Variants in PMS1 observed in about 807,000 individuals in gnomAD.
PMS1 encodes the protein PMS1 protein homolog 1.
PMS1 carries 79 observed loss-of-function variants against 93.1 expected under a neutral mutation model. The ratio of observed to expected loss-of-function variants is 0.85; its 90% CI spans 0.71 to 1.02. The LOEUF (loss-of-function observed/expected upper bound fraction) is 1.02, where lower values mean the gene tolerates loss of function less well. Ranked by LOEUF, PMS1 falls within the 50% of genes least tolerant of loss-of-function variation. The probability of loss-of-function intolerance (pLI) is 0.00; values close to 1 mark genes in which losing one functional copy is unlikely to be tolerated. For synonymous variants in PMS1, 335 were observed against 363.4 expected, an observed-to-expected ratio of 0.92 and a Z score of 0.89; for missense variants, 1,064 against 1,085.3, an observed-to-expected ratio of 0.98 and a Z score of 0.28.
chr2:189,803,826 C>A (rs369570077), intron 3 of PMS1, among the ~76,000 whole-genome samples: 1 of 152,062 alleles, frequency 6.6e-6, no homozygotes, highest in East Asian at 1.9e-4. Flanking sequence ...TATCTAAATA[C>A]GTTTTCGTAG....
intron 5 of PMS1, among the ~76,000 whole-genome samples, chr2:189,828,360 AG>A (rs2052632847): frequency 6.6e-6 from 1 of 152,270 alleles, no homozygotes; most frequent in East Asian, 1.9e-4. Context: ...TTGAAATGAT[AG>A]GGTAATTGCC....
rs767216229 is a variant in PMS1 at position 189,853,956 on chromosome 2, C to A, written c.840C>A (p.Tyr280Ter). The change falls in exon 8 of 13, where the codon TAC becomes TAA. Residue 280 changes from tyrosine to a stop codon, truncating the protein, a stop_gained. Transcript: ENST00000441310. LOFTEE classifies it high-confidence loss of function. ...KDILKLIRHH[Y>*]NLKCLKESTR... Reference sequence around the variant, plus strand: ...ATTTCTAGTTAATCCGACATCATTACAATCTGAAATGCCTAAAGGAATCTA... The same window carrying A: ...ATTTCTAGTTAATCCGACATCATTAAAATCTGAAATGCCTAAAGGAATCTA... 6.3e-7 allele frequency: 1 copy of A among 1,587,170 alleles called. No homozygotes were observed. The highest frequency in any genetic ancestry group is 8.6e-7 in the Non-Finnish European group (1 of 1,160,492).
intron 9 of PMS1, among the ~76,000 whole-genome samples, chr2:189,861,031 G>A (rs1443276978): frequency 6.6e-6 from 1 of 151,238 alleles, no homozygotes. Flanking sequence ...CTTTGCCTTT[G>A]AATTGCAATA....
Position 189,795,751 on chromosome 2 carries a change from T to C in PMS1, c.133-18T>C, listed in dbSNP as rs751190685. 6.3e-7 allele frequency: 1 copy of C among 1,596,498 alleles called. No individual in the cohort carries two copies. The highest frequency in any genetic ancestry group is 8.6e-7 in the Non-Finnish European group (1 of 1,163,996). The stretch of plus-strand genomic sequence containing the variant: ...TTAATATTTTTACATATTAAAAGTG[T>C]TTTTTGACATTTTATAGGAGAACTA... On this transcript the variant is annotated intron_variant, in intron 2 of 12. Coordinates refer to ENST00000441310, the MANE Select transcript of PMS1 (RefSeq NM_000534.5).
chr2:189,863,980 G>A lies in PMS1; in HGVS notation c.2094G>A (p.Gln698=), dbSNP rs936726059. 1.2e-6 allele frequency: 2 copies of A among 1,607,598 alleles called. No homozygotes were observed. The highest frequency in any genetic ancestry group is 1.7e-6 in the Non-Finnish European group (2 of 1,175,062). Residue 698 remains glutamine (Q), a synonymous_variant, in exon 10 of 13, where the codon CAG becomes CAA. Transcript: ENST00000441310. The part of the protein sequence containing the change: ...KRRSQNIKMV[Q]IPFSMKNLKI... ...GGAGTCAAAATATTAAAATGGTACA[G>A]ATCCCCTTTTCTATGAAAAACTTAA...
intron 1 of PMS1, among the ~76,000 whole-genome samples, chr2:189,790,934 G>T (rs1277116080): frequency 6.6e-6 from 1 of 152,148 alleles, no homozygotes; most frequent in Non-Finnish European, 1.5e-5. Flanking sequence ...TATACCCGGA[G>T]TTTGAGCTAG....
At chr2:189,823,988 T>G (rs1405862529) in intron 5 of PMS1, among the ~76,000 whole-genome samples, 1 of 152,186 alleles carries the variant, frequency 6.6e-6, no homozygotes, top group Non-Finnish European at 1.5e-5. Context: ...TTGACAAGAT[T>G]AAAAGTAAAA....
chr2:189,804,915 A>G (rs1032247527), intron 3 of PMS1, among the ~76,000 whole-genome samples: 28 of 151,874 alleles, frequency 1.8e-4, no homozygotes, highest in African/African-American at 6.3e-4. Context: ...TTTTCTGACA[A>G]TGGCATATTT....
At chr2:189,785,820 C>T (rs1300466838) in intron 1 of PMS1, among the ~76,000 whole-genome samples, 1 of 152,092 alleles carries the variant, frequency 6.6e-6, no homozygotes, top group East Asian at 1.9e-4. Flanking sequence ...GAGTGAGTGT[C>T]ACCATGTTAA....
chr2:189,790,142 G>A (rs1346989809), intron 1 of PMS1, among the ~76,000 whole-genome samples: 1 of 152,164 alleles, frequency 6.6e-6, no homozygotes, highest in Non-Finnish European at 1.5e-5. Flanking sequence ...ATAGAGGATA[G>A]TTATCTGACA....
At chr2:189,812,139 A>G (rs907538784) in intron 4 of PMS1, among the ~76,000 whole-genome samples, 2 of 152,156 alleles carry the variant, frequency 1.3e-5, no homozygotes, top group African/African-American at 4.8e-5. Context: ...TGTTTCTACT[A>G]AAAATACGAA....
At chr2:189,875,469 G>A (rs1017279822) in intron 12 of PMS1, among the ~76,000 whole-genome samples, 1 of 151,968 alleles carries the variant, frequency 6.6e-6, no homozygotes, top group African/African-American at 2.4e-5. Context: ...CCATGTATAA[G>A]TGGACCCACA....
chr2:189,799,903 A>G (rs2049730513), intron 3 of PMS1, among the ~76,000 whole-genome samples: 1 of 152,182 alleles, frequency 6.6e-6, no homozygotes, highest in African/African-American at 2.4e-5. Flanking sequence ...AGAACCCCCC[A>G]ATAAACTGAC....
At position 189,795,757 on chromosome 2, in the gene PMS1, G is replaced by C. The variant is rs2106232750; in HGVS notation, c.133-12G>C. 6.2e-7 allele frequency: 1 copy of C among 1,606,484 alleles called. No homozygotes were observed. Among genetic ancestry groups the C allele is most frequent in the Non-Finnish European group, 8.5e-7 (1 of 1,173,436 alleles). On this transcript the variant is annotated splice_polypyrimidine_tract_variant and intron_variant, in intron 2 of 12. Coordinates refer to ENST00000441310, the MANE Select transcript of PMS1 (RefSeq NM_000534.5). The stretch of plus-strand genomic sequence containing the variant: ...TTTTTACATATTAAAAGTGTTTTTT[G>C]ACATTTTATAGGAGAACTATGGATT...
At chr2:189,857,974 T>C (rs1286879028) in intron 9 of PMS1, among the ~76,000 whole-genome samples, 1 of 152,182 alleles carries the variant, frequency 6.6e-6, no homozygotes, top group African/African-American at 2.4e-5. Context: ...AATAAGATTC[T>C]ATGACAGGAA....
intron 5 of PMS1, among the ~76,000 whole-genome samples, chr2:189,818,737 G>C (rs1400893960): frequency 2.0e-5 from 3 of 152,134 alleles, no homozygotes; most frequent in Non-Finnish European, 2.9e-5. Flanking sequence ...TCTGAAATCA[G>C]GGATTCCCCC....
chr2:189,856,728 G>A (rs1175110117), intron 9 of PMS1, among the ~76,000 whole-genome samples: 1 of 152,086 alleles, frequency 6.6e-6, no homozygotes, highest in Non-Finnish European at 1.5e-5. Context: ...TGGAAATAGG[G>A]ACAGTGTACA....
Position 189,807,490 on chromosome 2 carries a change from A to G in PMS1, c.418+1736A>G, listed in dbSNP as rs1486795325. 2.0e-5 allele frequency among the ~76,000 whole-genome samples: 3 copies of G among 152,256 alleles called. 1 individual carries two copies. The highest frequency in any genetic ancestry group is 4.4e-5 in the Non-Finnish European group (3 of 68,036). Reference sequence around the variant, plus strand: ...ACCATTAGGAGATATTTGAGTGGCTATCCAGTAGAGTACTTTGAAGTAATC... The same window carrying G: ...ACCATTAGGAGATATTTGAGTGGCTGTCCAGTAGAGTACTTTGAAGTAATC... On this transcript the variant is annotated intron_variant, in intron 4 of 12. Coordinates refer to ENST00000441310, the MANE Select transcript of PMS1 (RefSeq NM_000534.5).
chr2:189,806,394 T>A (rs923519578), intron 4 of PMS1: 6 of 315,400 alleles, frequency 1.9e-5, no homozygotes, highest in Non-Finnish European at 1.8e-5. Flanking sequence ...ATGTTTTTTA[T>A]TTTATTTTAT....
Sources: gnomAD v4.1 joint callset for allele counts (sites outside exome capture counted in the v4.1 genomes callset) on GRCh38, gnomAD v4.1.1 for gene constraint, MANE v1.5 for transcripts, NCBI Gene and HGNC (gene_info 2026-07-23, HGNC 2026-07-21) for gene names.